GRM1: variants seen among roughly 807,000 people sequenced by gnomAD.
GRM1 encodes the protein glutamate metabotropic receptor 1, also known as metabotropic glutamate receptor 1.
In GRM1, 33 loss-of-function variants were observed where a neutral mutation model predicts 90.9. The observed-to-expected ratio is 0.36, with a 90% confidence interval of 0.28 to 0.49. The LOEUF (loss-of-function observed/expected upper bound fraction) is 0.49. GRM1 is among the 20% of genes least tolerant of loss of function. GRM1 has a pLI of 0.99. For synonymous variants in GRM1, 700 were observed against 613.2 expected (o/e 1.14, Z -2.09); for missense variants, 1,190 against 1,534.3 (o/e 0.78, Z 3.75).
chr6:146,330,024 T>TA (rs1784533885), intron 3 of GRM1, among the ~76,000 whole-genome samples: 1 of 152,196 alleles, frequency 6.6e-6, no homozygotes, highest in African/African-American at 2.4e-5. Context: ...CAGTGTTGAT[T>TA]AAGTAGGCTT....
chr6:146,213,240 T>C (rs2114652015), intron 2 of GRM1, among the ~76,000 whole-genome samples: 1 of 151,962 alleles, frequency 6.6e-6, no homozygotes, highest in Admixed American at 6.6e-5. Flanking sequence ...ATGAGAGAGG[T>C]TGTATCAGGT....
chr6:146,256,837 C>A (rs563946668), intron 2 of GRM1, among the ~76,000 whole-genome samples: 1 of 152,232 alleles, frequency 6.6e-6, no homozygotes, highest in South Asian at 2.1e-4. Context: ...TCCTTTACAA[C>A]CAGAAAAGCT....
At chr6:146,326,641 G>A (rs362969) in intron 3 of GRM1, among the ~76,000 whole-genome samples, 15,570 of 152,074 alleles carry the variant, frequency 0.1, 2,146 homozygotes, top group African/African-American at 0.31. Context: ...AAATTAATAA[G>A]TAGAAAGTAA....
chr6:146,330,061 G>A (rs539041806), intron 3 of GRM1, among the ~76,000 whole-genome samples: 35 of 152,210 alleles, frequency 2.3e-4, no homozygotes, highest in African/African-American at 5.3e-4. Context: ...GAAAATAAAT[G>A]TGTAAAACTA....
intron 1 of GRM1, among the ~76,000 whole-genome samples, chr6:146,062,215 C>T (rs1055838629): frequency 6.6e-6 from 1 of 152,020 alleles, no homozygotes; most frequent in African/African-American, 2.4e-5. Flanking sequence ...AAGCTGGAAA[C>T]CATCATTCTC....
chr6:146,078,398 A>G (rs978338671), intron 1 of GRM1, among the ~76,000 whole-genome samples: 2 of 152,182 alleles, frequency 1.3e-5, no homozygotes, highest in African/African-American at 4.8e-5. Context: ...TACATTGTTA[A>G]GAAAGAAAGA....
intron 1 of GRM1, among the ~76,000 whole-genome samples, chr6:146,111,029 C>G (rs1270342329): frequency 6.6e-6 from 1 of 152,214 alleles, no homozygotes; most frequent in Non-Finnish European, 1.5e-5. Flanking sequence ...AGTCCATACA[C>G]AGCTGGCTGC....
intron 3 of GRM1, among the ~76,000 whole-genome samples, chr6:146,322,370 GT>G (rs1193155899): frequency 6.6e-6 from 1 of 152,140 alleles, no homozygotes; most frequent in East Asian, 1.9e-4. Context: ...AGGCATGGGG[GT>G]CCGGGACCCA....
chr6:146,401,823 C>T (rs1247212842), intron 7 of GRM1, among the ~76,000 whole-genome samples: 1 of 152,172 alleles, frequency 6.6e-6, no homozygotes, highest in Admixed American at 6.5e-5. Context: ...TATGTACAGA[C>T]AGATATGGGC....
chr6:146,246,774 A>G (rs1562554751), intron 2 of GRM1, among the ~76,000 whole-genome samples: 1 of 152,216 alleles, frequency 6.6e-6, no homozygotes, highest in Non-Finnish European at 1.5e-5. Flanking sequence ...ATGAAACCAG[A>G]TATATTAACA....
chr6:146,183,871 T>C (rs1212723583), intron 2 of GRM1, among the ~76,000 whole-genome samples: 1 of 152,208 alleles, frequency 6.6e-6, no homozygotes. Context: ...TTTTTCTAAG[T>C]TCTTTGTGCA....
chr6:146,138,025 A>C (rs1442674549), intron 1 of GRM1, among the ~76,000 whole-genome samples: 1 of 152,140 alleles, frequency 6.6e-6, no homozygotes, highest in Non-Finnish European at 1.5e-5. Context: ...ACTTTACTGA[A>C]TTTCTTTATC....
chr6:146,063,346 G>A (rs77110499), intron 1 of GRM1, among the ~76,000 whole-genome samples: 3,390 of 152,200 alleles, frequency 0.022, 50 homozygotes, highest in Admixed American at 0.032. Flanking sequence ...TCATCAATTT[G>A]GTAGTTTGTA....
chr6:146,205,912 C>T (rs986948286), intron 2 of GRM1, among the ~76,000 whole-genome samples: 1 of 152,186 alleles, frequency 6.6e-6, no homozygotes, highest in African/African-American at 2.4e-5. Context: ...GAGTCACAGG[C>T]AGGCTCTCCC....
At chr6:146,028,066 A>G (rs990434451), upstream of GRM1, among the ~76,000 whole-genome samples, 6 of 151,902 alleles carry the variant, frequency 3.9e-5, no homozygotes, top group Admixed American at 2.0e-4. Context: ...TCACCTTGAG[A>G]AAAGGAGCAG....
At chr6:146,402,070 C>T (rs1221331330) in intron 7 of GRM1, among the ~76,000 whole-genome samples, 4 of 152,152 alleles carry the variant, frequency 2.6e-5, no homozygotes, top group Admixed American at 2.6e-4. Context: ...AGAGAAAAAT[C>T]AGCATGGTCT....
intron 2 of GRM1, among the ~76,000 whole-genome samples, chr6:146,290,503 G>A (rs571184304): frequency 6.6e-6 from 1 of 152,134 alleles, no homozygotes; most frequent in Non-Finnish European, 1.5e-5. Flanking sequence ...ATGACTCAGA[G>A]AGCCAAGTCT....
chr6:146,365,814 T>C (rs1420653201), intron 5 of GRM1, among the ~76,000 whole-genome samples: 1 of 152,106 alleles, frequency 6.6e-6, no homozygotes, highest in Non-Finnish European at 1.5e-5. Context: ...GGTGTCTTCC[T>C]ATCAGGACGA....
chr6:146,357,464 C>G, intron 4 of GRM1, 62 bp from the exon 5 acceptor site: 1 of 1,369,816 alleles, frequency 7.3e-7, no homozygotes, highest in South Asian at 1.2e-5. Flanking sequence ...TACTTACCAA[C>G]TTTCTTTGTT....
Sources: gnomAD v4.1 joint callset for allele counts (sites outside exome capture counted in the v4.1 genomes callset) on GRCh38, gnomAD v4.1.1 for gene constraint, MANE v1.5 for transcripts, NCBI Gene and HGNC (gene_info 2026-07-23, HGNC 2026-07-21) for gene names.